OPTN: variants seen among roughly 807,000 people sequenced by gnomAD.
OPTN encodes optineurin.
In OPTN, 54 loss-of-function variants were observed where a neutral mutation model predicts 70.4. The observed-to-expected ratio is 0.77, with a 90% CI of 0.62 to 0.96. The LOEUF is 0.96. OPTN is among the 40% of genes least tolerant of loss of function. OPTN has a pLI of 0.00. For synonymous variants in OPTN, 256 were observed against 248.5 expected (o/e 1.03, Z -0.28); for missense variants, 624 against 673.2 (o/e 0.93, Z 0.81).
chr10:13,106,104 G>T (rs570566637), intron 1 of OPTN, among the ~76,000 whole-genome samples: 1 of 152,142 alleles, frequency 6.6e-6, no homozygotes, highest in Admixed American at 6.5e-5. Context: ...AAAATCTGTT[G>T]AATATTTTCA....
chr10:13,116,575 T>A, intron 6 of OPTN: 1 of 566,144 alleles, frequency 1.8e-6, no homozygotes, highest in East Asian at 3.0e-5. Flanking sequence ...GTTCTAGTGG[T>A]GTCTCACCTC....
At chr10:13,112,334 C>A in intron 4 of OPTN, 119 bp from the exon 5 acceptor site, 1 of 938,400 alleles carries the variant, frequency 1.1e-6, no homozygotes, top group Non-Finnish European at 1.7e-6. Context: ...GTCTCAAAAT[C>A]CTGGCCTCAA....
chr10:13,109,266 G>T lies in OPTN; in HGVS notation c.144G>T (p.Leu48=). Residue 48 remains leucine (L), a synonymous_variant, in exon 3 of 15, where the codon CTG becomes CTT. Coordinates refer to ENST00000378747, the MANE Select transcript of OPTN (RefSeq NM_001008212.2). ...EELLQQMKEL[L]TENHQLKEAM... Reference sequence around the variant, plus strand: ...TGCTGCAGCAGATGAAAGAGCTCCTGACCGAGAACCACCAGCTGAAAGGTG... The same window carrying T: ...TGCTGCAGCAGATGAAAGAGCTCCTTACCGAGAACCACCAGCTGAAAGGTG... 6.2e-7 allele frequency: 1 copy of T among 1,613,970 alleles called. No homozygotes were observed. Among genetic ancestry groups the T allele is most frequent in the Non-Finnish European group, 8.5e-7 (1 of 1,179,962 alleles).
intron 11 of OPTN, 90 bp downstream of exon 11, chr10:13,126,129 A>G (rs1833454816): frequency 1.2e-6 from 1 of 801,110 alleles, no homozygotes; most frequent in Admixed American, 2.1e-5. Flanking sequence ...TGAATCCTTC[A>G]CTAAATCTGG....
chr10:13,115,916 G>A (rs985431037), intron 5 of OPTN, among the ~76,000 whole-genome samples: 2 of 152,006 alleles, frequency 1.3e-5, no homozygotes, highest in African/African-American at 2.4e-5. Flanking sequence ...ATGTGGAGTT[G>A]TCACCAGCTC....
intron 6 of OPTN, chr10:13,116,554 C>G (rs1833213725): frequency 8.1e-6 from 5 of 613,902 alleles, no homozygotes; most frequent in South Asian, 7.1e-5. Context: ...TTGGCTCACA[C>G]TGACTGCTCT....
intron 11 of OPTN, among the ~76,000 whole-genome samples, 157 bp downstream of exon 11, chr10:13,126,196 C>T (rs1400894652): frequency 2.0e-5 from 3 of 151,866 alleles, no homozygotes; most frequent in Admixed American, 2.0e-4. Flanking sequence ...TTTGTAACTT[C>T]TGATGTTCCA....
intron 12 of OPTN, among the ~76,000 whole-genome samples, chr10:13,128,397 C>A (rs1833514880): frequency 6.8e-6 from 1 of 147,566 alleles, no homozygotes; most frequent in African/African-American, 2.5e-5. Flanking sequence ...ATAGTGGTAT[C>A]TCATTTAATT....
intron 6 of OPTN, among the ~76,000 whole-genome samples, chr10:13,116,747 C>G (rs1833217952): frequency 6.6e-6 from 1 of 152,230 alleles, no homozygotes; most frequent in African/African-American, 2.4e-5. Context: ...CCTGCTACTT[C>G]CCAGTTATAA....
chr10:13,105,564 C>G (rs756936812), intron 1 of OPTN, among the ~76,000 whole-genome samples: 2 of 152,100 alleles, frequency 1.3e-5, no homozygotes, highest in Non-Finnish European at 2.9e-5. Flanking sequence ...ACAACTAGAA[C>G]CAGTTTTAAC....
chr10:13,108,101 C>T (rs1832907343), intron 1 of OPTN, 37 bp from the exon 2 acceptor site: 1 of 152,156 alleles, frequency 6.6e-6, no homozygotes, highest in Non-Finnish European at 1.5e-5. Context: ...CTATTAAAGC[C>T]TAAGTACTCA....
chr10:13,117,080 C>CTTTTTT (rs560052353), intron 6 of OPTN, among the ~76,000 whole-genome samples: 8 of 121,394 alleles, frequency 6.6e-5, no homozygotes, highest in Admixed American at 1.9e-4. Flanking sequence ...CTAAGGATCT[C>CTTTTTT]TTTTTTTTTT....
chr10:13,114,794 T>TA (rs1564358713), intron 5 of OPTN, among the ~76,000 whole-genome samples: 3 of 95,934 alleles, frequency 3.1e-5, no homozygotes, highest in African/African-American at 4.2e-5. Context: ...AATTATATAA[T>TA]TATATATACA....
At chr10:13,125,349 G>C in intron 9 of OPTN, 69 bp from the exon 10 acceptor site, 1 of 1,544,448 alleles carries the variant, frequency 6.5e-7, no homozygotes, top group Non-Finnish European at 8.9e-7. Flanking sequence ...ATAACCTTGG[G>C]GTTTGTTTAA....
chr10:13,116,906 T>C (rs1255087535), intron 6 of OPTN, among the ~76,000 whole-genome samples: 1 of 152,054 alleles, frequency 6.6e-6, no homozygotes, highest in Non-Finnish European at 1.5e-5. Flanking sequence ...ACAGACATCT[T>C]AAATAGTGGC....
intron 6 of OPTN, among the ~76,000 whole-genome samples, chr10:13,117,206 G>A (rs1215829236): frequency 1.3e-5 from 2 of 148,296 alleles, no homozygotes; most frequent in South Asian, 2.1e-4. Context: ...TTAGCCTCCC[G>A]AGTAGCTGGA....
At chr10:13,105,083 A>T (rs755814179) in intron 1 of OPTN, among the ~76,000 whole-genome samples, 13 of 152,116 alleles carry the variant, frequency 8.5e-5, no homozygotes, top group Non-Finnish European at 1.9e-4. Flanking sequence ...TACAGGCATA[A>T]GCCACTGCAC....
At chr10:13,111,870 T>C (rs1391960836) in intron 4 of OPTN, among the ~76,000 whole-genome samples, 21 of 110,994 alleles carry the variant, frequency 1.9e-4, no homozygotes, top group South Asian at 5.9e-4. Context: ...TTTTTTGAGA[T>C]GGAGTCTTGC....
chr10:13,107,178 C>T (rs1206392682), intron 1 of OPTN, among the ~76,000 whole-genome samples: 2 of 151,840 alleles, frequency 1.3e-5, no homozygotes, highest in African/African-American at 2.4e-5. Context: ...AGTTCGAGAC[C>T]GGCCTGGCTA....
Sources: allele counts gnomAD v4.1 joint callset (sites outside exome capture counted in the v4.1 genomes callset), GRCh38; gene constraint gnomAD v4.1.1; transcripts MANE v1.5; gene names NCBI Gene and HGNC (gene_info 2026-07-23, HGNC 2026-07-21).